The following GALNT12 variants were observed in gnomAD, a reference collection of about 807,000 sequenced individuals.
The protein encoded by GALNT12 is UDP-GalNAc:polypeptide N-acetylgalactosaminyltransferase 12.
Under a neutral mutation model 55.5 loss-of-function variants are expected in GALNT12, and 45 were observed. The observed-to-expected ratio is 0.81, with a 90% CI of 0.64 to 1.04. GALNT12 has a LOEUF of 1.04. GALNT12 is among the 50% of genes least tolerant of loss of function. The pLI, the probability that GALNT12 is intolerant of heterozygous loss-of-function variation, is 0.00. For missense variants in GALNT12, 709 were observed against 754.8 expected, an observed-to-expected ratio of 0.94 and a Z score of 0.71; for synonymous variants, 304 against 312.2, an observed-to-expected ratio of 0.97 and a Z score of 0.28.
At chr9:98,836,911 A>G in intron 5 of GALNT12, 61 bp from the exon 6 acceptor site, 1 of 1,560,962 alleles carries the variant, frequency 6.4e-7, no homozygotes, top group Non-Finnish European at 8.8e-7. Flanking sequence ...TGCTGCAGAT[A>G]CTATGGACCC....
chr9:98,837,149 G>A lies in GALNT12; in HGVS notation c.1212+1G>A. On this transcript the variant is annotated splice_donor_variant, in intron 6 of 9. Transcript: ENST00000375011. LOFTEE classifies it high-confidence loss of function. ...CCATCGCAACCCCCGTGCCCGCTTG[G>A]TGAGTTCCTCGGCCCACCTGCACTC... 6.2e-7 allele frequency: 1 copy of A among 1,614,048 alleles called. No individual in the cohort carries two copies. The highest frequency in any genetic ancestry group is 1.1e-5 in the South Asian group (1 of 91,084).
At chr9:98,823,453 A>AGC in intron 2 of GALNT12, 28 bp downstream of exon 2, 2 of 1,604,620 alleles carry the variant, frequency 1.2e-6, no homozygotes, top group South Asian at 2.2e-5. Flanking sequence ...CTCTGGGAAG[A>AGC]GCCTGTCCTT....
In GALNT12 at chr9:98,807,780, C is replaced by A; in HGVS notation, c.82C>A (p.Leu28Met). ...REALLVLLAL[L>M]ALAGLGSVLR... Reference sequence around the variant, plus strand: ...GGCGCTGTTGGTGCTCCTGGCGCTACTGGCGTTGGCCGGGCTGGGCTCGGT... The same window carrying A: ...GGCGCTGTTGGTGCTCCTGGCGCTAATGGCGTTGGCCGGGCTGGGCTCGGT... The change falls in exon 1 of 10, where the codon CTG becomes ATG. Residue 28 changes from leucine (L) to methionine (M), a missense_variant. Transcript: ENST00000375011. 8.7e-7 allele frequency: 1 copy of A among 1,148,646 alleles called. No individual in the cohort carries two copies. The highest frequency in any genetic ancestry group is 1.1e-6 in the Non-Finnish European group (1 of 932,554). 71.2% of individuals were successfully genotyped at this position (1,148,646 alleles called of 1,614,324 possible).
intron 7 of GALNT12, 27 bp downstream of exon 7, chr9:98,840,160 AG>A (rs772766996): frequency 1.2e-6 from 2 of 1,611,962 alleles, no homozygotes; most frequent in South Asian, 2.2e-5. Context: ...GGCCCACGGC[AG>A]GCAGGGACTT....
In GALNT12 at chr9:98,823,418, T is replaced by G; in HGVS notation, c.534T>G (p.Ser178Arg). The G allele has an allele frequency of 6.2e-7, 1 of 1,613,896 alleles. No homozygotes were observed. The highest frequency in any genetic ancestry group is 8.5e-7 in the Non-Finnish European group (1 of 1,179,792). The change falls in exon 2 of 10, where the codon AGT becomes AGG. Residue 178 changes from serine to arginine, a missense_variant. By Grantham distance (110) the Ser-to-Arg change is moderately radical. This residue lies in a region of GALNT12 where 315 missense variants were observed against 288.6 expected (regional missense o/e 1.09). Transcript: ENST00000375011. ...LEEVILVDDY[S>R]DREHLKERLA... is the part of the protein sequence containing the mutation. ...AAGTGATCCTTGTAGATGACTACAG[T>G]GATAGAGGTGAGTCCCGGCCAGGGC...
intron 4 of GALNT12, among the ~76,000 whole-genome samples, chr9:98,834,999 A>T (rs543575273): frequency 6.6e-6 from 1 of 151,992 alleles, no homozygotes; most frequent in Non-Finnish European, 1.5e-5. Context: ...GCCCTGGCTG[A>T]CCTTAGTTAA....
intron 1 of GALNT12, among the ~76,000 whole-genome samples, chr9:98,815,877 A>G (rs781617178): frequency 1.3e-5 from 2 of 152,234 alleles, no homozygotes; most frequent in South Asian, 2.1e-4. Context: ...GGCTATCTGT[A>G]GATTTCTATC....
intron 1 of GALNT12, among the ~76,000 whole-genome samples, chr9:98,815,972 G>A (rs896493186): frequency 2.6e-5 from 4 of 151,988 alleles, no homozygotes; most frequent in Admixed American, 1.3e-4. Flanking sequence ...GTTGTTTTAC[G>A]TGGTGCCTCT....
intron 1 of GALNT12, among the ~76,000 whole-genome samples, chr9:98,809,858 TG>T (rs1423834702): frequency 6.6e-6 from 1 of 152,204 alleles, no homozygotes; most frequent in Non-Finnish European, 1.5e-5. Context: ...CCTGTCTCCA[TG>T]GTGACGCAGC....
At position 98,831,911 on chromosome 9, in the gene GALNT12, C is replaced by G; in HGVS notation, c.871C>G (p.Pro291Ala). ...WRLVFTWHTV[P>A]ERERIRMQSP... ...GCTGGTGTTCACGTGGCACACAGTTCCTGAGAGGGAGAGGATACGGATGCA... is the reference window on the plus strand; with the variant it reads ...GCTGGTGTTCACGTGGCACACAGTTGCTGAGAGGGAGAGGATACGGATGCA... The change falls in exon 4 of 10, where the codon CCT becomes GCT. Residue 291 changes from proline to alanine, a missense_variant. By Grantham distance (27) the Pro-to-Ala change is conservative. Around this residue, in one of 5 missense-constraint regions of GALNT12, gnomAD observed 315 missense variants for 288.6 expected, o/e 1.09. Coordinates refer to ENST00000375011, the MANE Select transcript of GALNT12 (RefSeq NM_024642.5). 1.9e-6 allele frequency: 3 copies of G among 1,614,058 alleles called. No individual in the cohort carries two copies. Among genetic ancestry groups the G allele is most frequent in the Non-Finnish European group, 2.5e-6 (3 of 1,180,022 alleles).
At chr9:98,809,649 A>G (rs1180194745) in intron 1 of GALNT12, among the ~76,000 whole-genome samples, 1 of 152,218 alleles carries the variant, frequency 6.6e-6, no homozygotes, top group Non-Finnish European at 1.5e-5. Context: ...TAAAGCATCA[A>G]TACCTGGGAG....
At chr9:98,828,434 C>T (rs1251162830) in intron 3 of GALNT12, among the ~76,000 whole-genome samples, 1 of 152,282 alleles carries the variant, frequency 6.6e-6, no homozygotes, top group East Asian at 1.9e-4. Flanking sequence ...CAATGGGCTC[C>T]CCTTCCTTCG....
Position 98,849,699 on chromosome 9 carries a change from CA to C in GALNT12, c.*610del, listed in dbSNP as rs2118527524. 2.5e-6 allele frequency: 1 copy of C among 401,308 alleles called. No homozygotes were observed. The highest frequency in any genetic ancestry group is 4.4e-6 in the Non-Finnish European group (1 of 228,076). The allele number at this position is 401,308 out of a possible 1,614,324, so 24.9% of individuals were successfully genotyped here. ...AACACTCCATAATGTTCATGTCAGC[CA>C]AAGAGGACTAACCAAAGCTGAAATC... On this transcript the variant is annotated 3_prime_UTR_variant, in exon 10 of 10. Transcript: ENST00000375011.
At chr9:98,820,546 C>T (rs1448706826) in intron 1 of GALNT12, among the ~76,000 whole-genome samples, 1 of 152,196 alleles carries the variant, frequency 6.6e-6, no homozygotes, top group African/African-American at 2.4e-5. Flanking sequence ...GTGAATAGTA[C>T]AGCAATGAAC....
At chr9:98,837,348 C>T (rs1171467510) in intron 6 of GALNT12, among the ~76,000 whole-genome samples, 200 bp downstream of exon 6, 1 of 152,138 alleles carries the variant, frequency 6.6e-6, no homozygotes, top group Admixed American at 6.5e-5. Flanking sequence ...TGTTATAGTG[C>T]ATAAAGCCAC....
At chr9:98,846,592 G>T (rs1052117880) in intron 9 of GALNT12, among the ~76,000 whole-genome samples, 1 of 152,142 alleles carries the variant, frequency 6.6e-6, no homozygotes, top group Non-Finnish European at 1.5e-5. Flanking sequence ...AGGCACAGTG[G>T]CTGACGCCTG....
chr9:98,829,220 GCT>G (rs1835938307), intron 3 of GALNT12, among the ~76,000 whole-genome samples: 1 of 147,828 alleles, frequency 6.8e-6, no homozygotes, highest in African/African-American at 2.5e-5. Flanking sequence ...ACAGAGTCTC[GCT>G]CTGTTGCCCA....
intron 9 of GALNT12, 52 bp from the exon 10 acceptor site, chr9:98,848,900 G>A: frequency 1.2e-6 from 2 of 1,609,528 alleles, no homozygotes; most frequent in South Asian, 2.2e-5. Context: ...CATGTCTTTA[G>A]GAAAAAGAGA....
intron 1 of GALNT12, among the ~76,000 whole-genome samples, chr9:98,816,981 C>T (rs1016733522): frequency 1.3e-5 from 2 of 152,022 alleles, no homozygotes; most frequent in South Asian, 2.1e-4. Context: ...CCAGCCACCA[C>T]GCCTGGCTAA....
Sources: allele counts gnomAD v4.1 joint callset (sites outside exome capture counted in the v4.1 genomes callset), GRCh38; gene constraint gnomAD v4.1.1; regional missense constraint gnomAD v4.1.1; transcripts MANE v1.5; gene names NCBI Gene and HGNC (gene_info 2026-07-23, HGNC 2026-07-21).